The following CSMD1 variants were observed in gnomAD, a reference collection of about 807,000 sequenced individuals.
The protein encoded by CSMD1 is CUB and sushi domain-containing protein 1.
Under a neutral mutation model 417.5 loss-of-function variants are expected in CSMD1, and 213 were observed. The ratio of observed to expected loss-of-function variants is 0.51; its 90% CI spans 0.46 to 0.57. The LOEUF (loss-of-function observed/expected upper bound fraction) is 0.57, where lower values mean the gene tolerates loss of function less well. Ranked by LOEUF, CSMD1 falls within the 20% of genes least tolerant of loss-of-function variation. The probability of loss-of-function intolerance (pLI) is 0.00; values close to 1 mark genes in which losing one functional copy is unlikely to be tolerated. For synonymous variants in CSMD1, 2,862 were observed against 1,736.8 expected, an observed-to-expected ratio of 1.65 and a Z score of -16.11; for missense variants, 6,923 against 4,529.7, an observed-to-expected ratio of 1.53 and a Z score of -15.17.
chr8:4,957,773 CGT>C (rs1809216765), intron 1 of CSMD1, among the ~76,000 whole-genome samples: 1 of 152,118 alleles, frequency 6.6e-6, no homozygotes, highest in South Asian at 2.1e-4. Context: ...TAATTTAAAA[CGT>C]GTACACAAAC....
intron 1 of CSMD1, among the ~76,000 whole-genome samples, chr8:4,641,282 A>C (rs1803173436): frequency 6.6e-6 from 1 of 152,040 alleles, no homozygotes; most frequent in African/African-American, 2.4e-5. Context: ...ATCATCTGTT[A>C]CCGAAATAAT....
intron 42 of CSMD1, among the ~76,000 whole-genome samples, chr8:3,111,246 G>A (rs907088234): frequency 6.6e-6 from 1 of 152,156 alleles, no homozygotes. Flanking sequence ...TAACAAATGA[G>A]AATATACCAT....
intron 3 of CSMD1, among the ~76,000 whole-genome samples, chr8:4,201,540 C>CAAAAAAAAAAAAAAAAAAAAAAAAAAAAA (rs1157479482): frequency 5.1e-5 from 3 of 59,030 alleles, no homozygotes; most frequent in African/African-American, 7.2e-5. Flanking sequence ...TCTGTCTCCA[C>CAAAAAAAAAAAAAAAAAAAAAAAAAAAAA]AAAAAAAAAA....
intron 8 of CSMD1, among the ~76,000 whole-genome samples, chr8:3,593,548 A>G (rs898155520): frequency 6.6e-6 from 1 of 152,160 alleles, no homozygotes; most frequent in African/African-American, 2.4e-5. Flanking sequence ...CTTGAGAGAG[A>G]GTGAAGGGAT....
chr8:4,680,973 TGTGAGAGA>T lies in CSMD1; in HGVS notation c.86-43423_86-43416del, dbSNP rs1324791881. On this transcript the variant is annotated intron_variant, in intron 1 of 69. Transcript: ENST00000635120. ...TGATGTGTGTGTGTGTGTGTGTGTG[TGTGAGAGA>T]GAGAGAGAGAGAGAGAGAGAGAATG... 8.1e-4 allele frequency among the ~76,000 whole-genome samples: 112 copies of T among 138,710 alleles called. 2 individuals carry two copies. In the East Asian group the frequency reaches 0.02, roughly 24 times the overall value. The allele number at this position is 138,710 out of a possible 152,430, so 91.0% of individuals were successfully genotyped here.
chr8:4,696,282 T>C (rs1167016903), intron 1 of CSMD1, among the ~76,000 whole-genome samples: 1 of 152,220 alleles, frequency 6.6e-6, no homozygotes, highest in East Asian at 1.9e-4. Context: ...TCAAAAGTAC[T>C]CTGTGTCCAT....
chr8:4,175,420 G>A (rs532734261), intron 3 of CSMD1, among the ~76,000 whole-genome samples: 45 of 152,020 alleles, frequency 3.0e-4, no homozygotes, highest in Non-Finnish European at 4.0e-4. Context: ...ATTGTTCAAC[G>A]GAATATGTTT....
At chr8:3,040,811 A>G (rs553992961) in intron 50 of CSMD1, among the ~76,000 whole-genome samples, 26 of 140,968 alleles carry the variant, frequency 1.8e-4, no homozygotes, top group African/African-American at 8.0e-4. Flanking sequence ...TCAAAATAAT[A>G]ATAATAAGAT....
At chr8:3,242,261 A>C (rs1300040008) in intron 26 of CSMD1, among the ~76,000 whole-genome samples, 1 of 151,604 alleles carries the variant, frequency 6.6e-6, no homozygotes, top group East Asian at 1.9e-4. Flanking sequence ...ACGGAGGCTG[A>C]GGAAGATTTG....
chr8:4,738,149 C>G (rs1810363007), intron 1 of CSMD1, among the ~76,000 whole-genome samples: 1 of 152,126 alleles, frequency 6.6e-6, no homozygotes, highest in Non-Finnish European at 1.5e-5. Flanking sequence ...CAGAATTAAA[C>G]AGAATATCAG....
intron 1 of CSMD1, among the ~76,000 whole-genome samples, chr8:4,716,464 T>C (rs1332652480): frequency 6.6e-6 from 1 of 152,194 alleles, no homozygotes; most frequent in African/African-American, 2.4e-5. Context: ...AATTTTTCAG[T>C]TATTAATAGA....
At chr8:4,197,077 G>C (rs981695437) in intron 3 of CSMD1, among the ~76,000 whole-genome samples, 3 of 152,068 alleles carry the variant, frequency 2.0e-5, no homozygotes, top group Non-Finnish European at 4.4e-5. Context: ...TGTTCTATGG[G>C]AAATGAAACA....
chr8:4,631,304 G>T (rs1307141352), intron 2 of CSMD1, among the ~76,000 whole-genome samples: 1 of 152,090 alleles, frequency 6.6e-6, no homozygotes. Flanking sequence ...AGAGGTTGCA[G>T]TGAGCTGAGA....
intron 2 of CSMD1, among the ~76,000 whole-genome samples, chr8:4,553,410 C>T (rs1797954258): frequency 6.6e-6 from 1 of 151,306 alleles, no homozygotes; most frequent in Non-Finnish European, 1.5e-5. Context: ...ATTAATTACT[C>T]CTGACAGGCA....
At position 3,791,182 on chromosome 8, in the gene CSMD1, G is replaced by T. The variant is rs368237281; in HGVS notation, c.819-37140C>A. Among the ~76,000 whole-genome samples, 10 of 152,258 alleles carry T rather than the reference G, an allele frequency of 6.6e-5. No individual in the cohort carries two copies. The East Asian group carries it at 1.2e-3, about 18-fold the overall frequency. Reference sequence around the variant, plus strand: ...ATTACTTATATTTTAGGAGCATTTAGATGTGTTTGTAAACCCCTACCCCAA... The same window carrying T: ...ATTACTTATATTTTAGGAGCATTTATATGTGTTTGTAAACCCCTACCCCAA... On this transcript the variant is annotated intron_variant, in intron 5 of 69. Coordinates refer to ENST00000635120, the MANE Select transcript of CSMD1 (RefSeq NM_033225.6).
At chr8:3,340,259 T>G (rs1404567779) in intron 23 of CSMD1, among the ~76,000 whole-genome samples, 1 of 152,008 alleles carries the variant, frequency 6.6e-6, no homozygotes, top group Non-Finnish European at 1.5e-5. Context: ...TAAAGAAGAG[T>G]AGAAGGAGCT....
chr8:3,235,681 T>C (rs760221469), intron 26 of CSMD1, among the ~76,000 whole-genome samples: 2 of 152,168 alleles, frequency 1.3e-5, no homozygotes, highest in South Asian at 2.1e-4. Context: ...AGAATATCAG[T>C]AGAAACAGTG....
chr8:4,524,804 G>C (rs1481077686), intron 2 of CSMD1, among the ~76,000 whole-genome samples: 1 of 151,962 alleles, frequency 6.6e-6, no homozygotes, highest in East Asian at 1.9e-4. Context: ...ATTACGGTGA[G>C]TCAAAATTGT....
At chr8:3,781,524 G>A (rs1417247232) in intron 5 of CSMD1, among the ~76,000 whole-genome samples, 11 of 152,076 alleles carry the variant, frequency 7.2e-5, no homozygotes, top group Admixed American at 2.6e-4. Flanking sequence ...TTGTGGACAT[G>A]GATATATGGT....
Sources: gnomAD v4.1 joint callset for allele counts (sites outside exome capture counted in the v4.1 genomes callset) on GRCh38, gnomAD v4.1.1 for gene constraint, MANE v1.5 for transcripts, NCBI Gene and HGNC (gene_info 2026-07-23, HGNC 2026-07-21) for gene names.